The following ZMYND8 variants were observed in gnomAD, a reference collection of about 807,000 sequenced individuals.
ZMYND8 encodes MYND-type zinc finger-containing chromatin reader ZMYND8.
A neutral mutation model predicts 140.8 loss-of-function variants in ZMYND8; 37 were observed. The observed-to-expected ratio is 0.26, with a 90% CI of 0.20 to 0.35. The LOEUF (loss-of-function observed/expected upper bound fraction) is 0.35. ZMYND8 is among the 10% of genes least tolerant of loss of function. The pLI, the probability that ZMYND8 is intolerant of heterozygous loss-of-function variation, is 1.00. For synonymous variants in ZMYND8, 592 were observed against 597.1 expected (o/e 0.99, Z 0.12); for missense variants, 1,068 against 1,570.0 (o/e 0.68, Z 5.40).
chr20:47,284,337 C>G (rs187620779), intron 8 of ZMYND8, among the ~76,000 whole-genome samples: 1 of 152,194 alleles, frequency 6.6e-6, no homozygotes, highest in Admixed American at 6.5e-5. Context: ...ACCATTCCCC[C>G]CACCCACAGG....
intron 5 of ZMYND8, among the ~76,000 whole-genome samples, chr20:47,294,380 A>AACCTCTT (rs1556029370): frequency 2.6e-5 from 4 of 151,850 alleles, no homozygotes; most frequent in African/African-American, 9.7e-5. Flanking sequence ...ACAAAAAAAA[A>AACCTCTT]AACCTCTTTT....
Position 47,276,513 on chromosome 20 carries a change from G to T in ZMYND8, c.1281C>A (p.Pro427=), listed in dbSNP as rs1213278892. ...GCACAGGCTTGCTCATCAGGATCTT[G>T]GGGGATGCCGTCATGTCAAAGTTGA... ...VKLNFDMTAS[P]KILMSKPVLS... The change falls in exon 11 of 23, where the codon CCC becomes CCA. Residue 427 remains proline (P), a synonymous_variant. Transcript: ENST00000471951. 3.7e-6 allele frequency: 6 copies of T among 1,613,964 alleles called. No individual in the cohort carries two copies. The African/African-American group carries it at 6.7e-5, about 18-fold the overall frequency.
intron 7 of ZMYND8, 132 bp from the exon 8 acceptor site, chr20:47,287,416 G>A: frequency 1.3e-6 from 1 of 742,758 alleles, no homozygotes; most frequent in Non-Finnish European, 2.3e-6. Flanking sequence ...TAAAACCAGA[G>A]GTTCCTGGCT....
intron 18 of ZMYND8, 72 bp from the exon 19 acceptor site, chr20:47,224,628 A>G: frequency 1.9e-6 from 3 of 1,588,580 alleles, no homozygotes; most frequent in Non-Finnish European, 2.6e-6. Flanking sequence ...TCCTGCCCCC[A>G]GATTCAGGCA....
intron 2 of ZMYND8, among the ~76,000 whole-genome samples, chr20:47,334,014 T>C (rs538615209): frequency 9.2e-5 from 14 of 152,296 alleles, no homozygotes; most frequent in African/African-American, 3.1e-4. Context: ...GGGAACATCA[T>C]AGCTTAGCCT....
intron 14 of ZMYND8, among the ~76,000 whole-genome samples, chr20:47,243,962 G>A (rs191153947): frequency 1.3e-5 from 2 of 152,236 alleles, no homozygotes; most frequent in East Asian, 1.9e-4. Context: ...CAGATGGGTC[G>A]GGATGGTTTG....
chr20:47,229,715 T>C lies in ZMYND8; in HGVS notation c.2937+11A>G. 2 of 1,611,170 alleles carry C rather than the reference T, an allele frequency of 1.2e-6. No homozygotes were observed. The highest frequency in any genetic ancestry group is 1.7e-6 in the Non-Finnish European group (2 of 1,177,996). On this transcript the variant is annotated intron_variant, in intron 17 of 22. Transcript: ENST00000471951. ...TCTTAGCAAATAAGAAATTCATGTG[T>C]CATCTCTGACCTCAGCTATTGTGCT...
At chr20:47,343,596 C>T (rs2082089372) in intron 2 of ZMYND8, among the ~76,000 whole-genome samples, 1 of 152,160 alleles carries the variant, frequency 6.6e-6, no homozygotes, top group South Asian at 2.1e-4. Context: ...ACTGCAACCT[C>T]CGCCTCTCGG....
In ZMYND8 at chr20:47,250,970, C is replaced by T. The variant is rs1223124585; in HGVS notation, c.1622-1531G>A. 2.0e-5 allele frequency among the ~76,000 whole-genome samples: 3 copies of T among 151,668 alleles called. No homozygotes were observed. In the East Asian group the frequency reaches 5.8e-4, roughly 29 times the overall value. On this transcript the variant is annotated intron_variant, in intron 12 of 22. Coordinates refer to ENST00000471951, the MANE Select transcript of ZMYND8 (RefSeq NM_001281775.3). ...CTTGAGCCAGGAGTTAGTGGCTGTA[C>T]TGAGCTATGATCACGCCACTGCACT...
In ZMYND8 at chr20:47,303,167, G is replaced by A. The variant is rs374542482; in HGVS notation, c.235-4220C>T. ...CTTCGAATTTATTGTAGGGGTATGG[G>A]GGTGCTAAAGAGGAGATGGGTGAGG... is the stretch of plus-strand genomic sequence containing the variant. On this transcript the variant is annotated intron_variant, in intron 3 of 22. Coordinates refer to ENST00000471951, the MANE Select transcript of ZMYND8 (RefSeq NM_001281775.3). Among the ~76,000 whole-genome samples the A allele has an allele frequency of 5.9e-5, 9 of 152,232 alleles. No individual in the cohort carries two copies. The East Asian group carries it at 1.4e-3, about 23-fold the overall frequency.
intron 5 of ZMYND8, among the ~76,000 whole-genome samples, chr20:47,292,298 A>G (rs114058976): frequency 0.013 from 2,023 of 152,282 alleles, 43 homozygotes; most frequent in African/African-American, 0.046. Context: ...TTTTAATTCT[A>G]TGGGGCTGAC....
chr20:47,300,485 T>C (rs993642700), intron 3 of ZMYND8, among the ~76,000 whole-genome samples: 5 of 152,252 alleles, frequency 3.3e-5, no homozygotes, highest in African/African-American at 1.2e-4. Flanking sequence ...ACTAAACGGT[T>C]ATCATTGATA....
intron 18 of ZMYND8, among the ~76,000 whole-genome samples, chr20:47,224,976 T>G (rs1171933828): frequency 6.6e-6 from 1 of 152,216 alleles, no homozygotes; most frequent in Non-Finnish European, 1.5e-5. Flanking sequence ...CTAAGAACTT[T>G]ATAAATATTA....
Position 47,290,383 on chromosome 20 carries a change from A to G in ZMYND8, c.661-109T>C, listed in dbSNP as rs936933597. ...GTAGCAGTCATTTGCCAAATCAATT[A>G]GTGTTCTTCTATTCATTTCCCAAGA... On this transcript the variant is annotated intron_variant, in intron 6 of 22. Coordinates refer to ENST00000471951, the MANE Select transcript of ZMYND8 (RefSeq NM_001281775.3). 5.3e-5 allele frequency: 45 copies of G among 857,060 alleles called. No homozygotes were observed. In the South Asian group the frequency reaches 5.5e-4, roughly 10 times the overall value. The allele number at this position is 857,060 out of a possible 1,614,324, so 53.1% of individuals were successfully genotyped here.
chr20:47,301,703 C>T (rs1160382107), intron 3 of ZMYND8, among the ~76,000 whole-genome samples: 4 of 151,934 alleles, frequency 2.6e-5, no homozygotes, highest in African/African-American at 9.7e-5. Flanking sequence ...TAACATGAAG[C>T]CACAAGTGAT....
At chr20:47,240,577 T>C (rs576136473) in intron 14 of ZMYND8, among the ~76,000 whole-genome samples, 4 of 152,084 alleles carry the variant, frequency 2.6e-5, no homozygotes, top group Admixed American at 2.6e-4. Flanking sequence ...TTTATTGAGA[T>C]GGATTCTCAC....
In ZMYND8 at chr20:47,298,573, G is replaced by A; in HGVS notation, c.453+156C>T. ...CTGCAGTACTGCAGCCACTGCCGGT[G>A]TTGGTCAAGAAGGGGGTGACCAGGA... is the stretch of plus-strand genomic sequence containing the variant. On this transcript the variant is annotated intron_variant, in intron 4 of 22. Coordinates refer to ENST00000471951, the MANE Select transcript of ZMYND8 (RefSeq NM_001281775.3). The surrounding 1 kb of genome is among the most constrained non-coding windows in gnomAD (Gnocchi z 5.0). 1 of 1,454,810 alleles carries A rather than the reference G, an allele frequency of 6.9e-7. No individual in the cohort carries two copies. The allele number at this position is 1,454,810 out of a possible 1,614,324, so 90.1% of individuals were successfully genotyped here.
intron 13 of ZMYND8, 49 bp from the exon 14 acceptor site, chr20:47,246,566 A>C: frequency 6.6e-7 from 1 of 1,519,808 alleles, no homozygotes; most frequent in South Asian, 1.3e-5. Context: ...CAAAATAAAG[A>C]GCAGGATGAA....
Position 47,209,443 on chromosome 20 carries a change from G to C in ZMYND8, c.*1318C>G, listed in dbSNP as rs2034975639. 1 of 115,684 alleles carries C rather than the reference G, an allele frequency of 8.6e-6. No individual in the cohort carries two copies. Among genetic ancestry groups the C allele is most frequent in the South Asian group, 2.8e-4 (1 of 3,554 alleles). The allele number at this position is 115,684 out of a possible 1,614,324, so 7.2% of individuals were successfully genotyped here. ...AAAGCAATTATGCTTCACAAATAAG[G>C]CCAGCTAGGCTATTTTTTTTTTTTG... On this transcript the variant is annotated 3_prime_UTR_variant, in exon 23 of 23. Coordinates refer to ENST00000471951, the MANE Select transcript of ZMYND8 (RefSeq NM_001281775.3).
Sources: allele counts gnomAD v4.1 joint callset (sites outside exome capture counted in the v4.1 genomes callset), GRCh38; gene constraint gnomAD v4.1.1; non-coding constraint Gnocchi (gnomAD v3.1); transcripts MANE v1.5; gene names NCBI Gene and HGNC (gene_info 2026-07-23, HGNC 2026-07-21).